The following CTNNA3 variants were observed in gnomAD, a reference collection of about 807,000 sequenced individuals.
The protein encoded by CTNNA3 is catenin alpha 3, also known as catenin alpha-3.
A neutral mutation model predicts 95.7 loss-of-function variants in CTNNA3; 76 were observed. The observed-to-expected ratio is 0.79, with a 90% confidence interval of 0.66 to 0.96. CTNNA3 has a LOEUF of 0.96. Ranked by LOEUF, CTNNA3 falls within the 40% of genes least tolerant of loss-of-function variation. The pLI is 0.00. For missense variants in CTNNA3, 1,191 were observed against 1,089.8 expected (o/e 1.09, Z -1.31); for synonymous variants, 431 against 374.4 (o/e 1.15, Z -1.74).
intron 7 of CTNNA3, among the ~76,000 whole-genome samples, chr10:66,947,988 T>C (rs989275884): frequency 1.2e-4 from 18 of 152,362 alleles, no homozygotes; most frequent in African/African-American, 4.3e-4. Context: ...AGGAACTTAC[T>C]TGTATAGCAA....
At chr10:66,305,561 T>C (rs1045488659) in intron 12 of CTNNA3, among the ~76,000 whole-genome samples, 2 of 152,288 alleles carry the variant, frequency 1.3e-5, no homozygotes, top group South Asian at 4.1e-4. Context: ...AGTAAACATA[T>C]ATGATTTTAA....
chr10:67,106,200 G>A (rs1299871938), intron 7 of CTNNA3, among the ~76,000 whole-genome samples: 1 of 152,172 alleles, frequency 6.6e-6, no homozygotes, highest in Non-Finnish European at 1.5e-5. Flanking sequence ...ACTGGAAGAA[G>A]AGCCTTCTAA....
At chr10:67,377,904 G>C (rs2132721823) in intron 5 of CTNNA3, among the ~76,000 whole-genome samples, 1 of 151,884 alleles carries the variant, frequency 6.6e-6, no homozygotes, top group Admixed American at 6.6e-5. Flanking sequence ...TTTTTTAAGA[G>C]ACAGTCTTGC....
intron 9 of CTNNA3, among the ~76,000 whole-genome samples, chr10:66,704,617 G>A (rs1314484366): frequency 6.6e-6 from 1 of 152,058 alleles, no homozygotes; most frequent in Non-Finnish European, 1.5e-5. Flanking sequence ...CATAGCTGAA[G>A]GGGTCTGGGA....
intron 13 of CTNNA3, among the ~76,000 whole-genome samples, chr10:66,274,647 T>C (rs1210595539): frequency 2.0e-5 from 3 of 152,208 alleles, no homozygotes; most frequent in Admixed American, 6.6e-5. Context: ...GTGTTGGCTA[T>C]GGAGTTGATT....
intron 16 of CTNNA3, among the ~76,000 whole-genome samples, chr10:65,987,444 T>G (rs2078451531): frequency 6.6e-6 from 1 of 151,982 alleles, no homozygotes; most frequent in African/African-American, 2.4e-5. Flanking sequence ...CATCATTAAT[T>G]GACAGGAAAA....
intron 7 of CTNNA3, among the ~76,000 whole-genome samples, chr10:66,913,260 A>AAAAAAAAAAAAG (rs1846313864): frequency 6.8e-6 from 1 of 146,142 alleles, no homozygotes; most frequent in African/African-American, 2.5e-5. Flanking sequence ...AAAAAAAAAA[A>AAAAAAAAAAAAG]AAAAAGAAAA....
intron 7 of CTNNA3, among the ~76,000 whole-genome samples, chr10:67,136,096 C>T (rs1860295749): frequency 6.6e-6 from 1 of 152,028 alleles, no homozygotes; most frequent in South Asian, 2.1e-4. Context: ...AACTTTTATG[C>T]TAAACAACAC....
chr10:66,562,510 A>G (rs1400221895), intron 10 of CTNNA3, among the ~76,000 whole-genome samples: 1 of 152,046 alleles, frequency 6.6e-6, no homozygotes. Flanking sequence ...AGCCTATAAT[A>G]CAATCATGTG....
intron 1 of CTNNA3, among the ~76,000 whole-genome samples, chr10:67,704,332 C>G (rs1841063820): frequency 1.3e-5 from 2 of 152,086 alleles, no homozygotes; most frequent in South Asian, 4.1e-4. Context: ...AATCTTAAGC[C>G]AAAGGAACAA....
chr10:66,645,305 T>A (rs1276711983), intron 9 of CTNNA3, among the ~76,000 whole-genome samples: 1 of 152,120 alleles, frequency 6.6e-6, no homozygotes, highest in East Asian at 1.9e-4. Context: ...TTTTCCTATT[T>A]TGTTCTAAAC....
intron 15 of CTNNA3, among the ~76,000 whole-genome samples, chr10:66,059,080 G>GT (rs34329710): frequency 0.53 from 80,528 of 151,770 alleles, 21,745 homozygotes; most frequent in South Asian, 0.59. Context: ...TAACAAAGAG[G>GT]TTTTCAGCTG....
intron 1 of CTNNA3, among the ~76,000 whole-genome samples, chr10:67,695,716 G>T (rs1372988493): frequency 6.6e-6 from 1 of 151,984 alleles, no homozygotes; most frequent in South Asian, 2.1e-4. Flanking sequence ...GTATCCAATC[G>T]GCTTTTTATA....
intron 11 of CTNNA3, among the ~76,000 whole-genome samples, chr10:66,444,698 C>T (rs1417796698): frequency 4.6e-5 from 7 of 152,230 alleles, no homozygotes; most frequent in South Asian, 4.1e-4. Flanking sequence ...AAGCAACAAC[C>T]GGTACCAGCC....
At chr10:66,728,664 T>C (rs370485963) in intron 9 of CTNNA3, among the ~76,000 whole-genome samples, 1 of 152,100 alleles carries the variant, frequency 6.6e-6, no homozygotes, top group East Asian at 1.9e-4. Context: ...ACCTCTGTCA[T>C]TGCAACTTCT....
chr10:66,845,123 G>A (rs925574653), intron 7 of CTNNA3, among the ~76,000 whole-genome samples: 2 of 152,182 alleles, frequency 1.3e-5, no homozygotes, highest in Non-Finnish European at 2.9e-5. Flanking sequence ...GAGGCTTTGA[G>A]AAATGGGTAG....
Position 66,547,219 on chromosome 10 carries a change from G to C in CTNNA3, c.1375-26446C>G, listed in dbSNP as rs551991438. On this transcript the variant is annotated intron_variant, in intron 10 of 17. Coordinates refer to ENST00000433211, the MANE Select transcript of CTNNA3 (RefSeq NM_013266.4). The stretch of plus-strand genomic sequence containing the variant: ...CTTTCACATTTCATTAACAAAACAC[G>C]TCACACGACCACTCATCACCTCAAC... 1.3e-3 allele frequency among the ~76,000 whole-genome samples: 190 copies of C among 151,924 alleles called. 1 individual carries two copies. Among genetic ancestry groups the C allele is most frequent in the African/African-American group, 4.3e-3 (179 of 41,450 alleles).
intron 5 of CTNNA3, among the ~76,000 whole-genome samples, chr10:67,514,097 A>G (rs1379840141): frequency 6.6e-6 from 1 of 152,128 alleles, no homozygotes; most frequent in African/African-American, 2.4e-5. Flanking sequence ...AATCGAGTTC[A>G]AGACCAGCCT....
At chr10:67,640,441 A>G (rs1361507786) in intron 2 of CTNNA3, among the ~76,000 whole-genome samples, 1 of 152,212 alleles carries the variant, frequency 6.6e-6, no homozygotes, top group Non-Finnish European at 1.5e-5. Flanking sequence ...AAGGTAATTT[A>G]TATATTCAAT....
Sources: allele counts gnomAD v4.1 joint callset (sites outside exome capture counted in the v4.1 genomes callset), GRCh38; gene constraint gnomAD v4.1.1; transcripts MANE v1.5; gene names NCBI Gene and HGNC (gene_info 2026-07-23, HGNC 2026-07-21).